The following ZNF341 variants were observed in gnomAD, a reference collection of about 807,000 sequenced individuals.
ZNF341 encodes zinc finger protein 341.
In ZNF341, 52 loss-of-function variants were observed where a neutral mutation model predicts 87.7. The ratio of observed to expected loss-of-function variants is 0.59; its 90% CI spans 0.47 to 0.75. ZNF341 has a LOEUF of 0.75. Among genes scored for constraint, ZNF341 ranks in the 30% least tolerant of loss-of-function variants. The probability of loss-of-function intolerance (pLI) is 0.00; values close to 1 mark genes in which losing one functional copy is unlikely to be tolerated. For synonymous variants in ZNF341, 459 were observed against 472.7 expected, an observed-to-expected ratio of 0.97 and a Z score of 0.38; for missense variants, 977 against 1,145.9, an observed-to-expected ratio of 0.85 and a Z score of 2.13.
chr20:33,790,828 A>G (rs956318628), intron 14 of ZNF341, among the ~76,000 whole-genome samples, 160 bp from the exon 15 acceptor site: 26 of 152,176 alleles, frequency 1.7e-4, no homozygotes, highest in Non-Finnish European at 3.5e-4. Flanking sequence ...TGGCTGGCGC[A>G]GAGAGTGGCT....
At chr20:33,790,102 TC>T (rs2019968829) in intron 14 of ZNF341, among the ~76,000 whole-genome samples, 2 of 148,516 alleles carry the variant, frequency 1.3e-5, no homozygotes. Flanking sequence ...AGACGGAGCC[TC>T]CCTCTGTCAC....
Position 33,791,089 on chromosome 20 carries a change from T to A in ZNF341, c.2137T>A (p.Cys713Ser). 1 of 1,613,132 alleles carries A rather than the reference T, an allele frequency of 6.2e-7. No homozygotes were observed. The highest frequency in any genetic ancestry group is 1.1e-5 in the South Asian group (1 of 91,086). Residue 713 changes from cysteine to serine, a missense_variant, in exon 15 of 15, where the codon TGT becomes AGT. This residue lies in a region of ZNF341 where 221 missense variants were observed against 212.7 expected (regional missense o/e 1.04). Transcript: ENST00000375200. ...RAHTGNYKFR[C>S]AGCAKGFSRH... ...CCACACGGGCAACTACAAGTTCCGC[T>A]GTGCTGGCTGCGCCAAGGGCTTTTC...
chr20:33,752,068 A>G (rs1205062782), intron 4 of ZNF341: 7 of 389,238 alleles, frequency 1.8e-5, no homozygotes, highest in Non-Finnish European at 3.4e-5. Flanking sequence ...CCCACAAACC[A>G]GATTCTCAGA....
intron 1 of ZNF341, among the ~76,000 whole-genome samples, chr20:33,738,124 T>G (rs1180497741): frequency 1.5e-5 from 2 of 130,944 alleles, no homozygotes; most frequent in African/African-American, 2.9e-5. Flanking sequence ...GCAACAAGAG[T>G]GAAACTCCAT....
chr20:33,782,710 G>A (rs1206316562), intron 11 of ZNF341, among the ~76,000 whole-genome samples: 1 of 152,198 alleles, frequency 6.6e-6, no homozygotes, highest in Non-Finnish European at 1.5e-5. Flanking sequence ...GCTGGGAAAC[G>A]ATGGGGCTAA....
Position 33,783,988 on chromosome 20 carries a change from C to T in ZNF341, c.1852+124C>T, listed in dbSNP as rs1601289446. Reference sequence around the variant, plus strand: ...CTCCCTGTCTCCCTCAGCCCCTTTTCCCTCCACTTCTCCATCTCCCTCCCC... The same window carrying T: ...CTCCCTGTCTCCCTCAGCCCCTTTTTCCTCCACTTCTCCATCTCCCTCCCC... On this transcript the variant is annotated intron_variant, in intron 12 of 14. Transcript: ENST00000375200. 1.4e-5 allele frequency: 13 copies of T among 911,678 alleles called. No individual in the cohort carries two copies. The South Asian group carries it at 2.0e-4, about 14-fold the overall frequency. The allele number at this position is 911,678 out of a possible 1,614,324, so 56.5% of individuals were successfully genotyped here.
intron 1 of ZNF341, among the ~76,000 whole-genome samples, chr20:33,736,104 A>AC (rs1555870574): frequency 8.8e-6 from 1 of 113,858 alleles, no homozygotes; most frequent in East Asian, 2.6e-4. Flanking sequence ...AGTTTTTACT[A>AC]TTTTTTTTTT....
chr20:33,766,979 C>T lies in ZNF341; in HGVS notation c.1351C>T (p.Pro451Ser). The T allele has an allele frequency of 3.1e-6, 5 of 1,614,206 alleles. No homozygotes were observed. Among genetic ancestry groups the T allele is most frequent in the Non-Finnish European group, 3.4e-6 (4 of 1,180,034 alleles). Residue 451 changes from proline to serine, a missense_variant, in exon 9 of 15, where the codon CCC becomes TCC. Physicochemically the swap from Pro to Ser is moderately conservative, Grantham distance 74. Around this residue, in one of 3 missense-constraint regions of ZNF341, gnomAD observed 515 missense variants for 598.2 expected, o/e 0.86. Transcript: ENST00000375200. ...IDSSYLCQFCPSKFSTYFQLK... is the reference protein window; with the variant it reads ...IDSSYLCQFCSSKFSTYFQLK... The stretch of plus-strand genomic sequence containing the variant: ...CAGCTCCTACCTGTGCCAATTCTGC[C>T]CCAGCAAATTCAGCACCTACTTCCA...
In ZNF341 at chr20:33,785,919, CG is replaced by C. The variant is rs1276623662; in HGVS notation, c.1852+2058del. ...CTAAATTCTGTGGGTCCCCCTCCCC[CG>C]GGCCCCCCCCAGAAGTTGTTACCAA... On this transcript the variant is annotated intron_variant, in intron 12 of 14. Transcript: ENST00000375200. Among the ~76,000 whole-genome samples, 6 of 152,072 alleles carry C rather than the reference CG, an allele frequency of 3.9e-5. No homozygotes were observed. In the South Asian group the frequency reaches 1.2e-3, roughly 32 times the overall value.
chr20:33,781,806 A>G (rs555582619), intron 11 of ZNF341, among the ~76,000 whole-genome samples: 16 of 151,098 alleles, frequency 1.1e-4, no homozygotes, highest in South Asian at 4.2e-4. Context: ...CAGCCCCCTG[A>G]GTAGCTGGGA....
In ZNF341 at chr20:33,770,118, C is replaced by T. The variant is rs560168138; in HGVS notation, c.1448C>T (p.Thr483Met). Residue 483 changes from threonine to methionine, a missense_variant, in exon 10 of 15, where the codon ACG becomes ATG. By Grantham distance (81) the Thr-to-Met change is moderately conservative. Coordinates refer to ENST00000375200, the MANE Select transcript of ZNF341 (RefSeq NM_001282933.2). Reference protein sequence around the residue: ...YKCVVKSCAQTFPKLDTFLEH... With the variant: ...YKCVVKSCAQMFPKLDTFLEH... ...TGTGTGGTCAAAAGCTGTGCCCAGACGTTCCCAAAGCTCGACACATTTCTG... is the reference window on the plus strand; with the variant it reads ...TGTGTGGTCAAAAGCTGTGCCCAGATGTTCCCAAAGCTCGACACATTTCTG... 1,006 of 1,613,896 alleles carry T rather than the reference C, an allele frequency of 6.2e-4. 17 individuals carry two copies. In the South Asian group the frequency reaches 0.01, roughly 17 times the overall value.
intron 10 of ZNF341, among the ~76,000 whole-genome samples, chr20:33,772,097 C>T (rs531286012): frequency 2.0e-5 from 3 of 147,070 alleles, no homozygotes; most frequent in Admixed American, 1.4e-4. Context: ...AGTTTCTCTG[C>T]CTCAGTTGTT....
intron 1 of ZNF341, among the ~76,000 whole-genome samples, chr20:33,735,948 C>T (rs2018674472): frequency 1.3e-5 from 2 of 151,772 alleles, no homozygotes; most frequent in African/African-American, 4.8e-5. Context: ...TTGAGATGGG[C>T]TTTTTTCACC....
chr20:33,758,940 C>G (rs926059188), intron 7 of ZNF341, 134 bp downstream of exon 7: 1 of 733,136 alleles, frequency 1.4e-6, no homozygotes, highest in Non-Finnish European at 2.3e-6. Context: ...AGGCTGTAGT[C>G]CAGGTCGGGT....
At chr20:33,757,396 A>T in intron 6 of ZNF341, 53 bp downstream of exon 6, 1 of 1,382,864 alleles carries the variant, frequency 7.2e-7, no homozygotes, top group Non-Finnish European at 9.5e-7. Context: ...CCAATCCACA[A>T]GCTACTTGGT....
At chr20:33,776,854 C>A (rs2019636803) in intron 10 of ZNF341, among the ~76,000 whole-genome samples, 1 of 151,618 alleles carries the variant, frequency 6.6e-6, no homozygotes, top group South Asian at 2.1e-4. Context: ...GAGACAGGGT[C>A]TTACTGTGTT....
rs746232471 is a variant in ZNF341, at chr20:33,788,900, G to A, written c.1890G>A (p.Ala630=). The A allele has an allele frequency of 4.3e-6, 7 of 1,613,932 alleles. No individual in the cohort carries two copies. The highest frequency in any genetic ancestry group is 4.0e-5 in the African/African-American group (3 of 74,906). ...ACAAATGCTCAGTGTGCGAGTCTGCGTTCAACCGCAAGGACAAACTGAAGA... is the reference window on the plus strand; with the variant it reads ...ACAAATGCTCAGTGTGCGAGTCTGCATTCAACCGCAAGGACAAACTGAAGA... The part of the protein sequence containing the change: ...KPYKCSVCES[A]FNRKDKLKRH... The change falls in exon 13 of 15, where the codon GCG becomes GCA. Residue 630 remains alanine, a synonymous_variant. Transcript: ENST00000375200.
rs779465358 is a variant in ZNF341, at chr20:33,757,232, C to A, written c.826C>A (p.Pro276Thr). ...CAAACAGGGATTCAAACCCAAAGGA[C>A]CAAACCCCGCCGCCCCCATGACCAG... Reference protein sequence around the residue: ...PGKQGFKPKGPNPAAPMTSAT... With the variant: ...PGKQGFKPKGTNPAAPMTSAT... Residue 276 changes from proline (P) to threonine (T), a missense_variant, in exon 6 of 15, where the codon CCA becomes ACA. Coordinates refer to ENST00000375200, the MANE Select transcript of ZNF341 (RefSeq NM_001282933.2). The A allele has an allele frequency of 2.0e-5, 32 of 1,602,888 alleles. No homozygotes were observed. In the South Asian group the frequency reaches 3.4e-4, roughly 17 times the overall value.
chr20:33,767,078 C>T, intron 9 of ZNF341, 37 bp downstream of exon 9: 1 of 1,583,850 alleles, frequency 6.3e-7, no homozygotes, highest in Non-Finnish European at 8.6e-7. Flanking sequence ...CACACCACAC[C>T]AGTCGAAACC....
Sources: allele counts gnomAD v4.1 joint callset (sites outside exome capture counted in the v4.1 genomes callset), GRCh38; gene constraint gnomAD v4.1.1; regional missense constraint gnomAD v4.1.1; transcripts MANE v1.5; gene names NCBI Gene and HGNC (gene_info 2026-07-23, HGNC 2026-07-21).